The following DNAH10 variants were observed in gnomAD, a reference collection of about 807,000 sequenced individuals.
DNAH10 encodes dynein axonemal heavy chain 10.
A neutral mutation model predicts 506.6 loss-of-function variants in DNAH10; 348 were observed. The observed-to-expected ratio is 0.69, with a 90% CI of 0.63 to 0.75. DNAH10 has a LOEUF of 0.75. Among genes scored for constraint, DNAH10 ranks in the 30% least tolerant of loss-of-function variants. The pLI is 0.00. For missense variants in DNAH10, 5,179 were observed against 5,787.1 expected, an observed-to-expected ratio of 0.89 and a Z score of 3.41; for synonymous variants, 2,059 against 2,198.6, an observed-to-expected ratio of 0.94 and a Z score of 1.78.
chr12:123,822,225 A>G (rs1959486100), intron 24 of DNAH10, among the ~76,000 whole-genome samples: 2 of 152,182 alleles, frequency 1.3e-5, no homozygotes, highest in Non-Finnish European at 2.9e-5. Context: ...AAAATAAAAA[A>G]GTTGCAAATG....
chr12:123,815,363 T>A (rs1959109038), intron 21 of DNAH10, among the ~76,000 whole-genome samples: 3 of 152,242 alleles, frequency 2.0e-5, no homozygotes, highest in Admixed American at 1.3e-4. Flanking sequence ...AGACAATTGA[T>A]ATTTGCATTC....
Position 123,931,718 on chromosome 12 carries a change from T to G in DNAH10, c.12999T>G (p.Phe4333Leu). Residue 4333 changes from phenylalanine to leucine, a missense_variant, in exon 75 of 79, where the codon TTT becomes TTG. Physicochemically the swap from Phe to Leu is conservative, Grantham distance 22. Around this residue, in one of 3 missense-constraint regions of DNAH10, gnomAD observed 4,844 missense variants for 5,430.5 expected, o/e 0.89. Transcript: ENST00000673944. ...KEIENKMPKV[F>L]DLDQVRKRLG... ...TAGAAAACAAGATGCCCAAAGTCTT[T>G]GACTTGGACCAGGTGAGGAAGCGCC... is the stretch of plus-strand genomic sequence containing the variant. 6.2e-7 allele frequency: 1 copy of G among 1,614,058 alleles called. No homozygotes were observed. The highest frequency in any genetic ancestry group is 8.5e-7 in the Non-Finnish European group (1 of 1,179,904).
Position 123,929,261 on chromosome 12 carries a change from C to T in DNAH10, c.12307-14C>T. 2 of 1,573,770 alleles carry T rather than the reference C, an allele frequency of 1.3e-6. No homozygotes were observed. Among genetic ancestry groups the T allele is most frequent in the African/African-American group, 1.3e-5 (1 of 74,136 alleles). ...TGCGGTCTCCATCACTGTGTGTTTT[C>T]TTCTCTTCTGAAGGTTGTCACCGAG... On this transcript the variant is annotated splice_polypyrimidine_tract_variant and intron_variant, in intron 70 of 78. Coordinates refer to ENST00000673944, the MANE Select transcript of DNAH10 (RefSeq NM_001372106.1).
At chr12:123,843,334 C>T (rs1950835256) in intron 30 of DNAH10, among the ~76,000 whole-genome samples, 1 of 152,166 alleles carries the variant, frequency 6.6e-6, no homozygotes, top group Non-Finnish European at 1.5e-5. Flanking sequence ...TTAATCTTCT[C>T]TGATCCTATG....
intron 74 of DNAH10, 54 bp downstream of exon 74, chr12:123,931,526 T>G: frequency 6.2e-7 from 1 of 1,607,070 alleles, no homozygotes; most frequent in Non-Finnish European, 8.5e-7. Flanking sequence ...TACGATTGCT[T>G]CTTGTAGCCC....
At position 123,903,184 on chromosome 12, in the gene DNAH10, C is replaced by T; in HGVS notation, c.9815+71C>T. On this transcript the variant is annotated intron_variant, in intron 57 of 78. Coordinates refer to ENST00000673944, the MANE Select transcript of DNAH10 (RefSeq NM_001372106.1). This position sits in a 1 kb window ranked among gnomAD's most constrained non-coding sequence, Gnocchi z 4.6. ...AAGCCAGTAGTCTCCATGATCGTGG[C>T]AACCAGGAGCTTACAAAGGAGCCGA... is the stretch of plus-strand genomic sequence containing the variant. The T allele has an allele frequency of 2.7e-6, 4 of 1,485,170 alleles. No homozygotes were observed. The highest frequency in any genetic ancestry group is 2.7e-6 in the Non-Finnish European group (3 of 1,115,470). The allele number at this position is 1,485,170 out of a possible 1,614,324, so 92.0% of individuals were successfully genotyped here. A position where few individuals can be genotyped will look rare whatever the true frequency, so the allele number is the denominator to read the frequency against.
intron 21 of DNAH10, among the ~76,000 whole-genome samples, chr12:123,816,374 A>G (rs911036853): frequency 2.0e-5 from 3 of 152,152 alleles, no homozygotes; most frequent in South Asian, 4.1e-4. Flanking sequence ...GAGATCAACA[A>G]AGGCCAGTGA....
chr12:123,910,404 C>T (rs1000301531), intron 58 of DNAH10, 132 bp from the exon 59 acceptor site: 43 of 1,190,258 alleles, frequency 3.6e-5, no homozygotes, highest in Admixed American at 8.9e-5. Context: ...CGCTGTTGGC[C>T]GTAGGAGAGC....
In DNAH10 at chr12:123,932,006, G is replaced by T. The variant is rs761598320; in HGVS notation, c.13194G>T (p.Gly4398=). 7.4e-5 allele frequency: 119 copies of T among 1,613,884 alleles called. No homozygotes were observed. The highest frequency in any genetic ancestry group is 9.7e-5 in the Non-Finnish European group (115 of 1,179,896). Residue 4398 remains glycine (G), a synonymous_variant, in exon 76 of 79, where the codon GGG becomes GGT. Transcript: ENST00000673944. ...LDDVARSLFI[G]HIPNIWRRLA... ...ATGTGGCCAGGTCTCTTTTTATCGG[G>T]CATATCCCTAATATCTGGAGAAGGC...
chr12:123,838,549 G>T lies in DNAH10; in HGVS notation c.4996G>T (p.Glu1666Ter). ...CCTACAGAACGTCAGCGAGGGCCTG[G>T]AGAAATGCCAGAAAAGCCTCAACGA... ...SDLQNVSEGL[E>*]KCQKSLNDYL... Residue 1666 changes from glutamate to a stop codon, truncating the protein, a stop_gained, in exon 29 of 79, where the codon GAG (glutamate) becomes TAG (stop). Transcript: ENST00000673944. LOFTEE classifies it high-confidence loss of function. 6.2e-7 allele frequency: 1 copy of T among 1,614,014 alleles called. No individual in the cohort carries two copies. Among genetic ancestry groups the T allele is most frequent in the Non-Finnish European group, 8.5e-7 (1 of 1,179,898 alleles).
rs770898921 is a variant in DNAH10, at chr12:123,875,303, C to T, written c.8011C>T (p.Arg2671Cys). Residue 2671 changes from arginine (R) to cysteine (C), a missense_variant, in exon 47 of 79, where the codon CGT becomes TGT. Arg to Cys is a radical substitution (Grantham distance 180). Around this residue, in one of 3 missense-constraint regions of DNAH10, gnomAD observed 4,844 missense variants for 5,430.5 expected, o/e 0.89. Coordinates refer to ENST00000673944, the MANE Select transcript of DNAH10 (RefSeq NM_001372106.1). ...GTTGGAAAAAGGCTACTTATATGAC[C>T]GTGGGAAGGAGCTGAACTGTAAAAG... is the stretch of plus-strand genomic sequence containing the variant. ...LLLEKGYLYD[R>C]GKELNCKSIR... The T allele has an allele frequency of 2.7e-5, 44 of 1,613,308 alleles. No homozygotes were observed. Among genetic ancestry groups the T allele is most frequent in the Middle Eastern group, 3.3e-4 (2 of 6,084 alleles).
Position 123,867,943 on chromosome 12 carries a change from GA to G in DNAH10, c.7344del (p.Glu2449LysfsTer2), listed in dbSNP as rs779365767. The G allele has an allele frequency of 6.2e-7, 1 of 1,613,950 alleles. No homozygotes were observed. The highest frequency in any genetic ancestry group is 1.3e-5 in the African/African-American group (1 of 75,056). On this transcript the variant is annotated frameshift_variant, in exon 43 of 79. Coordinates refer to ENST00000673944, the MANE Select transcript of DNAH10 (RefSeq NM_001372106.1). LOFTEE classifies it high-confidence loss of function. ...AAGATGTTGGATGCGTTGCTAGAAG[GA>G]GAAATAGAAGACCTTGACCTGCTGG... Reference protein sequence around the residue: ...LAKMLDALLEGEIEDLDLLEC... With the variant: ...LAKMLDALLEXEIEDLDLLEC...
At chr12:123,806,853 C>T (rs374533235) in intron 18 of DNAH10, among the ~76,000 whole-genome samples, 5 of 151,670 alleles carry the variant, frequency 3.3e-5, no homozygotes, top group African/African-American at 7.3e-5. Context: ...CTGCAACCTC[C>T]GCCTTCTGGG....
Position 123,928,932 on chromosome 12 carries a change from A to T in DNAH10, c.12307-343A>T. ...TTCGCGTGGTTTACATGCCCCATTTAATTTATTCTCCGGGAAATTCTTTTG... is the reference window on the plus strand; with the variant it reads ...TTCGCGTGGTTTACATGCCCCATTTTATTTATTCTCCGGGAAATTCTTTTG... On this transcript the variant is annotated intron_variant, in intron 70 of 78. Coordinates refer to ENST00000673944, the MANE Select transcript of DNAH10 (RefSeq NM_001372106.1). This position sits in a 1 kb window ranked among gnomAD's most constrained non-coding sequence, Gnocchi z 4.9. The T allele has an allele frequency of 2.2e-6, 1 of 458,856 alleles. No homozygotes were observed. Among genetic ancestry groups the T allele is most frequent in the Non-Finnish European group, 3.9e-6 (1 of 259,350 alleles). The allele number at this position is 458,856 out of a possible 1,614,324, so 28.4% of individuals were successfully genotyped here.
rs777769715 is a variant in DNAH10, at chr12:123,897,932, C to A, written c.9443C>A (p.Ser3148Ter). Reference protein sequence around the residue: ...KNYLDFINTYSKLLDEKTQCN... With the variant: ...KNYLDFINTY ...TACCTTGATTTTATTAACACCTATT[C>A]AAAATTGCTGGATGAGAAAACTCAG... Residue 3148 changes from serine (S) to a stop codon, truncating the protein, a stop_gained, in exon 55 of 79, where the codon TCA (serine) becomes TAA (stop). Transcript: ENST00000673944. LOFTEE classifies it high-confidence loss of function. The A allele has an allele frequency of 6.3e-7, 1 of 1,598,476 alleles. No homozygotes were observed.
intron 57 of DNAH10, among the ~76,000 whole-genome samples, chr12:123,906,022 A>G (rs1953760507): frequency 1.3e-5 from 2 of 150,740 alleles, no homozygotes; most frequent in Non-Finnish European, 1.5e-5. Flanking sequence ...GGTTCACGCC[A>G]TTCTCCTGCC....
At chr12:123,840,930 C>A (rs76365936) in intron 29 of DNAH10, among the ~76,000 whole-genome samples, 1 of 152,090 alleles carries the variant, frequency 6.6e-6, no homozygotes, top group African/African-American at 2.4e-5. Flanking sequence ...CCCATAGTTG[C>A]GCAATTGGAT....
intron 7 of DNAH10, 73 bp from the exon 8 acceptor site, chr12:123,783,874 C>A: frequency 7.3e-7 from 1 of 1,376,038 alleles, no homozygotes; most frequent in Non-Finnish European, 1.0e-6. Context: ...AGAACGGATG[C>A]TGGAGAAACC....
rs531523213 is a variant in DNAH10, at chr12:123,820,977, C to T, written c.4179+219C>T. On this transcript the variant is annotated intron_variant, in intron 24 of 78. Transcript: ENST00000673944. ...AAAAGTTCTGGAAATAGGCTGGGTG[C>T]GGTGGCTCACGCCTGTAATCCCAGC... Among the ~76,000 whole-genome samples the T allele has an allele frequency of 5.9e-5, 9 of 152,204 alleles. No individual in the cohort carries two copies. The South Asian group carries it at 1.5e-3, about 25-fold the overall frequency.
Sources: gnomAD v4.1 joint callset for allele counts (sites outside exome capture counted in the v4.1 genomes callset) on GRCh38, gnomAD v4.1.1 for gene constraint, gnomAD v4.1.1 regional missense constraint, Gnocchi (gnomAD v3.1) non-coding constraint, MANE v1.5 for transcripts, NCBI Gene and HGNC (gene_info 2026-07-23, HGNC 2026-07-21) for gene names.